Variants in COG6 observed in about 807,000 individuals in gnomAD.
COG6 encodes component of oligomeric golgi complex 6, also known as conserved oligomeric Golgi complex subunit 6.
A neutral mutation model predicts 88.8 loss-of-function variants in COG6; 74 were observed. That is an observed-to-expected ratio of 0.83 (90% CI 0.69 to 1.01). The LOEUF is 1.01. COG6 is among the 50% of genes least tolerant of loss of function. COG6 has a pLI of 0.00. For synonymous variants in COG6, 286 were observed against 278.7 expected (o/e 1.03, Z -0.26); for missense variants, 800 against 797.9 (o/e 1.00, Z -0.03).
chr13:39,708,223 G>T (rs1878048344), intron 13 of COG6, among the ~76,000 whole-genome samples: 1 of 152,060 alleles, frequency 6.6e-6, no homozygotes, highest in Non-Finnish European at 1.5e-5. Flanking sequence ...TCCTTACTGG[G>T]TTGTTACCTT....
intron 1 of COG6, among the ~76,000 whole-genome samples, chr13:39,658,374 A>C (rs1479372002): frequency 6.6e-6 from 1 of 151,848 alleles, no homozygotes; most frequent in Non-Finnish European, 1.5e-5. Context: ...TTGAACTGGC[A>C]TCAAACTATC....
rs200096309 is a variant in COG6, at chr13:39,775,770, AT to A, written c.1827-12549del. 4.3e-3 allele frequency among the ~76,000 whole-genome samples: 629 copies of A among 145,170 alleles called. 1 individual carries two copies. Among genetic ancestry groups the A allele is most frequent in the African/African-American group, 9.3e-3 (369 of 39,732 alleles). ...ATAATCTTTCAGAGATACATCTGAA[AT>A]TTTTTTTTTTTTTTTGAGACGGAGT... On this transcript the variant is annotated intron_variant, in intron 18 of 18. Transcript: ENST00000416691.
chr13:39,692,722 C>T (rs1341730909), intron 11 of COG6, among the ~76,000 whole-genome samples: 1 of 152,040 alleles, frequency 6.6e-6, no homozygotes, highest in Non-Finnish European at 1.5e-5. Flanking sequence ...TTTAGCTCTT[C>T]CCTACCTTCT....
Position 39,684,243 on chromosome 13 carries a change from A to ATTTTTTTTTTTTTTTTTTTTTTT in COG6, c.788+1982_788+2004dup, listed in dbSNP as rs1203671335. Among the ~76,000 whole-genome samples the ATTTTTTTTTTTTTTTTTTTTTTT allele has an allele frequency of 1.5e-4, 10 of 67,382 alleles. 3 individuals carry two copies. The highest frequency in any genetic ancestry group is 2.3e-4 in the Non-Finnish European group (9 of 39,248). The allele number at this position is 67,382 out of a possible 152,430, so 44.2% of individuals were successfully genotyped here. ...GGGGGCAGTAATGGCAATTTGGAAG[A>ATTTTTTTTTTTTTTTTTTTTTTT]TTTTTTTTTTTTTTTTTTTTTTTTT... is the stretch of plus-strand genomic sequence containing the variant. On this transcript the variant is annotated intron_variant, in intron 8 of 18. Transcript: ENST00000455146.
upstream of COG6, chr13:39,655,660 A>T (rs548475910): frequency 5.3e-4 from 817 of 1,531,904 alleles, no homozygotes; most frequent in Non-Finnish European, 6.5e-4. Context: ...CACATGCGCA[A>T]TACTCGCGCT....
At chr13:39,749,505 A>T (rs1219252979) in intron 18 of COG6, among the ~76,000 whole-genome samples, 1 of 152,242 alleles carries the variant, frequency 6.6e-6, no homozygotes, top group Admixed American at 6.5e-5. Flanking sequence ...GGATCTGAAC[A>T]TCAAGAAAAT....
chr13:39,667,839 A>G lies in COG6; in HGVS notation c.428+2685A>G, dbSNP rs575266787. Among the ~76,000 whole-genome samples the G allele has an allele frequency of 3.3e-5, 5 of 152,322 alleles. No individual in the cohort carries two copies. The South Asian group carries it at 8.3e-4, about 25-fold the overall frequency. On this transcript the variant is annotated intron_variant, in intron 4 of 18. Transcript: ENST00000455146. ...GAAGTATAGGACTAAGAAGGACATGATGGCTGTCTTCAAATATTTGATGAT... is the reference window on the plus strand; with the variant it reads ...GAAGTATAGGACTAAGAAGGACATGGTGGCTGTCTTCAAATATTTGATGAT...
At chr13:39,660,380 A>G (rs977678808) in intron 2 of COG6, among the ~76,000 whole-genome samples, 1 of 152,122 alleles carries the variant, frequency 6.6e-6, no homozygotes, top group Admixed American at 6.5e-5. Flanking sequence ...ATCATTTCCT[A>G]CTAAAAGGAA....
At chr13:39,680,083 A>G (rs754093402) in intron 7 of COG6, 38 bp downstream of exon 7, 2 of 1,210,146 alleles carry the variant, frequency 1.7e-6, no homozygotes, top group East Asian at 2.3e-5. Context: ...ATTCATGAAC[A>G]TTTGTAGTTG....
At chr13:39,665,905 A>G (rs752522277) in intron 4 of COG6, among the ~76,000 whole-genome samples, 3 of 152,242 alleles carry the variant, frequency 2.0e-5, no homozygotes. Context: ...TTATCAAACT[A>G]TGGCCACAGG....
chr13:39,764,748 T>G (rs560443191), intron 18 of COG6, among the ~76,000 whole-genome samples: 2 of 152,248 alleles, frequency 1.3e-5, no homozygotes, highest in East Asian at 3.9e-4. Context: ...ATCATCCTTT[T>G]GATATTTATT....
At position 39,655,676 on chromosome 13, in the gene COG6, C is replaced by A. The variant is rs769563642; in HGVS notation, c.-51C>A. On this transcript the variant is annotated 5_prime_UTR_variant, in exon 1 of 19. Coordinates refer to ENST00000455146, the MANE Select transcript of COG6 (RefSeq NM_020751.3). ...ACATGCGCAATACTCGCGCTGCCTC[C>A]GTGGTCCCTGCCTGGCTGAGGTGGC... is the stretch of plus-strand genomic sequence containing the variant. 1.9e-6 allele frequency: 3 copies of A among 1,551,154 alleles called. No individual in the cohort carries two copies. The highest frequency in any genetic ancestry group is 2.4e-5 in the South Asian group (2 of 84,562).
At chr13:39,775,728 G>T (rs1394350964) in intron 18 of COG6, among the ~76,000 whole-genome samples, 1 of 151,900 alleles carries the variant, frequency 6.6e-6, no homozygotes, top group Non-Finnish European at 1.5e-5. Flanking sequence ...TACAGTAAAA[G>T]CTGGAAATAT....
chr13:39,657,981 A>T (rs947336800), intron 1 of COG6, among the ~76,000 whole-genome samples: 1 of 152,154 alleles, frequency 6.6e-6, no homozygotes, highest in Middle Eastern at 3.4e-3. Flanking sequence ...ATTTTTCCCT[A>T]AACTGGTTCC....
chr13:39,786,976 A>T (rs1881790922), intron 18 of COG6, among the ~76,000 whole-genome samples: 1 of 152,206 alleles, frequency 6.6e-6, no homozygotes, highest in African/African-American at 2.4e-5. Context: ...TATTAATCAC[A>T]TTATGAGCCC....
intron 5 of COG6, among the ~76,000 whole-genome samples, chr13:39,678,972 TC>T (rs1421039481): frequency 1.3e-5 from 2 of 152,086 alleles, no homozygotes; most frequent in African/African-American, 4.8e-5. Context: ...AAATAACACA[TC>T]CGTTATTTTT....
In COG6 at chr13:39,682,184, A is replaced by G. The variant is rs1432237923; in HGVS notation, c.708A>G (p.Thr236=). Residue 236 remains threonine (T), a synonymous_variant, in exon 8 of 19, where the codon ACA becomes ACG. Coordinates refer to ENST00000455146, the MANE Select transcript of COG6 (RefSeq NM_020751.3). ...LYRWAQSECR[T]LTQESCDVSP... ...ATTATTTTTCAGGTGAATGCAGAAC[A>G]TTGACACAAGAATCATGTGACGTAT... 6.2e-7 allele frequency: 1 copy of G among 1,610,318 alleles called. No individual in the cohort carries two copies. Among genetic ancestry groups the G allele is most frequent in the Admixed American group, 1.7e-5 (1 of 60,012 alleles).
intron 1 of COG6, chr13:39,656,858 G>T (rs1447057123): frequency 2.2e-6 from 1 of 455,924 alleles, no homozygotes; most frequent in South Asian, 1.5e-5. Flanking sequence ...GTTTCTCATG[G>T]TTGTTATTTG....
intron 17 of COG6, among the ~76,000 whole-genome samples, chr13:39,726,404 T>C (rs576270180): frequency 1.1e-4 from 17 of 152,112 alleles, no homozygotes; most frequent in East Asian, 1.9e-4. Context: ...TTATGTGTTA[T>C]GATAATATGG....
Sources: gnomAD v4.1 joint callset for allele counts (sites outside exome capture counted in the v4.1 genomes callset) on GRCh38, gnomAD v4.1.1 for gene constraint, MANE v1.5 for transcripts, NCBI Gene and HGNC (gene_info 2026-07-23, HGNC 2026-07-21) for gene names.